SVIL: variants seen among roughly 807,000 people sequenced by gnomAD.
SVIL encodes supervillin, also known as archvillin.
Under a neutral mutation model 240.4 loss-of-function variants are expected in SVIL, and 101 were observed. The observed-to-expected ratio is 0.42, with a 90% confidence interval of 0.36 to 0.50. The LOEUF (loss-of-function observed/expected upper bound fraction) is 0.50, where lower values mean the gene tolerates loss of function less well. SVIL is among the 20% of genes least tolerant of loss of function. The pLI is 0.01. For missense variants in SVIL, 2,512 were observed against 2,818.7 expected (o/e 0.89, Z 2.46); for synonymous variants, 999 against 1,100.0 (o/e 0.91, Z 1.82).
intron 5 of SVIL, among the ~76,000 whole-genome samples, chr10:29,551,941 C>A (rs73596049): frequency 0.018 from 2,698 of 151,716 alleles, 79 homozygotes; most frequent in African/African-American, 0.062. Context: ...TGAGACCCTG[C>A]CTCTACAAAA....
At chr10:29,531,154 T>C (rs1000989846) in intron 10 of SVIL, 100 bp downstream of exon 10, 1 of 1,136,054 alleles carries the variant, frequency 8.8e-7, no homozygotes, top group African/African-American at 1.6e-5. Context: ...GACACTGTTA[T>C]GCTCCATCAT....
chr10:29,695,953 C>G (rs1390840169), intron 1 of SVIL, among the ~76,000 whole-genome samples: 5 of 137,992 alleles, frequency 3.6e-5, no homozygotes, highest in Non-Finnish European at 7.9e-5. Flanking sequence ...CCCTCTCCCT[C>G]TCCCGTCTCC....
At chr10:29,461,662 A>C (rs887269392) in intron 36 of SVIL, among the ~76,000 whole-genome samples, 1 of 152,240 alleles carries the variant, frequency 6.6e-6, no homozygotes, top group Non-Finnish European at 1.5e-5. Context: ...AGCTATAATA[A>C]AATTCTTTCC....
chr10:29,510,758 C>T (rs1949772653), intron 17 of SVIL, among the ~76,000 whole-genome samples: 1 of 149,276 alleles, frequency 6.7e-6, no homozygotes, highest in Non-Finnish European at 1.5e-5. Flanking sequence ...CATGTCAAGC[C>T]TCCTCAGCTA....
At chr10:29,472,729 T>C (rs4749435) in intron 30 of SVIL, among the ~76,000 whole-genome samples, 56,468 of 151,434 alleles carry the variant, frequency 0.37, 10,765 homozygotes, top group East Asian at 0.53. Flanking sequence ...TAGGTGGCCT[T>C]GGATCTGGGC....
chr10:29,516,566 G>A (rs184712406), intron 16 of SVIL, among the ~76,000 whole-genome samples: 2 of 152,150 alleles, frequency 1.3e-5, no homozygotes, highest in African/African-American at 2.4e-5. Context: ...CTGGGCCTAC[G>A]CAGGACATAA....
intron 1 of SVIL, among the ~76,000 whole-genome samples, chr10:29,578,026 T>G (rs1044881716): frequency 6.6e-6 from 1 of 152,224 alleles, no homozygotes; most frequent in Non-Finnish European, 1.5e-5. Flanking sequence ...CATTTATAAA[T>G]GTATAAAATG....
chr10:29,703,845 AGGCTGG>A (rs1161849163), intron 1 of SVIL, among the ~76,000 whole-genome samples: 28 of 152,334 alleles, frequency 1.8e-4, no homozygotes, highest in African/African-American at 6.3e-4. Flanking sequence ...TCAGTCGCCC[AGGCTGG>A]GGTGCACTGG....
intron 25 of SVIL, 88 bp from the exon 26 acceptor site, chr10:29,486,318 A>G (rs1053282180): frequency 1.3e-6 from 2 of 1,590,278 alleles, no homozygotes. Flanking sequence ...ACATTGTAAA[A>G]TTTTATTTAC....
chr10:29,663,812 G>T (rs1203617938), intron 2 of SVIL, among the ~76,000 whole-genome samples: 5 of 152,224 alleles, frequency 3.3e-5, no homozygotes, highest in South Asian at 2.1e-4. Flanking sequence ...GGGAGGCAGT[G>T]GGCAGAGCAG....
At chr10:29,464,244 C>G (rs1236762859) in intron 34 of SVIL, among the ~76,000 whole-genome samples, 2 of 151,998 alleles carry the variant, frequency 1.3e-5, no homozygotes, top group Non-Finnish European at 1.5e-5. Flanking sequence ...GAAGACCAGC[C>G]TGGGCCACAT....
chr10:29,499,276 G>A lies in SVIL; in HGVS notation c.3517-13C>T, dbSNP rs759004874. 1.2e-5 allele frequency: 19 copies of A among 1,614,158 alleles called. No homozygotes were observed. Among genetic ancestry groups the A allele is most frequent in the Non-Finnish European group, 1.6e-5 (19 of 1,180,018 alleles). ...TTTCTGTGACCCGCTGTTCATAAAT[G>A]TACAGAAGAGAAAACAGGAGAGAGA... On this transcript the variant is annotated splice_polypyrimidine_tract_variant and intron_variant, in intron 17 of 37. Transcript: ENST00000355867.
chr10:29,606,906 C>T (rs910162471), intron 1 of SVIL, among the ~76,000 whole-genome samples: 7 of 152,166 alleles, frequency 4.6e-5, no homozygotes, highest in African/African-American at 1.4e-4. Context: ...AGCCACGTGC[C>T]ACCACACCCG....
intron 17 of SVIL, among the ~76,000 whole-genome samples, chr10:29,507,341 C>G (rs1412634993): frequency 1.3e-5 from 2 of 152,144 alleles, no homozygotes; most frequent in Admixed American, 1.3e-4. Context: ...AGCTCAGAGG[C>G]TGAAAGGGGA....
chr10:29,505,459 A>G (rs573802533), intron 17 of SVIL, among the ~76,000 whole-genome samples: 30 of 152,302 alleles, frequency 2.0e-4, no homozygotes, highest in Non-Finnish European at 4.1e-4. Context: ...TTCCAATTCA[A>G]TGACATTCTG....
intron 3 of SVIL, among the ~76,000 whole-genome samples, chr10:29,647,996 C>CAAA (rs1958719536): frequency 7.3e-6 from 1 of 136,644 alleles, no homozygotes; most frequent in Non-Finnish European, 1.6e-5. Flanking sequence ...CAAAAAAAAT[C>CAAA]ATTACCAGAA....
intron 2 of SVIL, among the ~76,000 whole-genome samples, chr10:29,565,675 A>C (rs1263003328): frequency 6.6e-6 from 1 of 151,954 alleles, no homozygotes; most frequent in Non-Finnish European, 1.5e-5. Flanking sequence ...GGATTGTTTG[A>C]ACCCAGGAGT....
In SVIL at chr10:29,545,723, C is replaced by T. The variant is rs188992191; in HGVS notation, c.827+4874G>A. ...TACAAAAATTAGTTGGGTGTGGTGGCGCATGCCTGTAGTCCCAGCTACTTG... is the reference window on the plus strand; with the variant it reads ...TACAAAAATTAGTTGGGTGTGGTGGTGCATGCCTGTAGTCCCAGCTACTTG... On this transcript the variant is annotated intron_variant, in intron 6 of 37. Transcript: ENST00000355867. Among the ~76,000 whole-genome samples, 16 of 151,718 alleles carry T rather than the reference C, an allele frequency of 1.1e-4. No individual in the cohort carries two copies. In the East Asian group the frequency reaches 1.7e-3, roughly 17 times the overall value.
At chr10:29,715,061 G>A (rs1189057144) in intron 1 of SVIL, among the ~76,000 whole-genome samples, 2 of 151,580 alleles carry the variant, frequency 1.3e-5, no homozygotes, top group Non-Finnish European at 2.9e-5. Context: ...TTTTGTGAAG[G>A]CAGTACAAAA....
Sources: allele counts gnomAD v4.1 joint callset (sites outside exome capture counted in the v4.1 genomes callset), GRCh38; gene constraint gnomAD v4.1.1; transcripts MANE v1.5; gene names NCBI Gene and HGNC (gene_info 2026-07-23, HGNC 2026-07-21).